Variants in NR2C1 observed in about 807,000 individuals in gnomAD.
NR2C1 encodes the protein TR2 nuclear hormone receptor.
Under a neutral mutation model 74.8 loss-of-function variants are expected in NR2C1, and 33 were observed. The observed-to-expected ratio is 0.44, with a 90% confidence interval of 0.33 to 0.59. The LOEUF (loss-of-function observed/expected upper bound fraction) is 0.59, where lower values mean the gene tolerates loss of function less well. Ranked by LOEUF, NR2C1 falls within the 20% of genes least tolerant of loss-of-function variation. The pLI, the probability that NR2C1 is intolerant of heterozygous loss-of-function variation, is 0.02. For synonymous variants in NR2C1, 225 were observed against 240.6 expected (o/e 0.94, Z 0.60); for missense variants, 568 against 715.6 (o/e 0.79, Z 2.35).
At position 95,072,202 on chromosome 12, in the gene NR2C1, G is replaced by A. The variant is rs566434982; in HGVS notation, c.-8+1178C>T. Among the ~76,000 whole-genome samples, 4 of 150,744 alleles carry A rather than the reference G, an allele frequency of 2.7e-5. No individual in the cohort carries two copies. In the South Asian group the frequency reaches 8.4e-4, roughly 32 times the overall value. On this transcript the variant is annotated intron_variant, in intron 1 of 13. Transcript: ENST00000333003. ...GCCGAGGCGGGTGGATCAGAGGCGG[G>A]TACATCACGAGGTCAGAGTATCAAG...
At chr12:95,061,287 A>G (rs1330330124) in intron 3 of NR2C1, among the ~76,000 whole-genome samples, 1 of 152,222 alleles carries the variant, frequency 6.6e-6, no homozygotes, top group Non-Finnish European at 1.5e-5. Flanking sequence ...AGGAAAGTCT[A>G]AACACCTATA....
intron 1 of NR2C1, among the ~76,000 whole-genome samples, chr12:95,071,715 AAAAAC>A (rs562192496): frequency 6.6e-6 from 1 of 152,252 alleles, no homozygotes; most frequent in African/African-American, 2.4e-5. Context: ...ATGCCCCTTG[AAAAAC>A]TAAGATTAGC....
At chr12:95,054,079 GAATAA>G (rs1040005842) in intron 7 of NR2C1, among the ~76,000 whole-genome samples, 2 of 152,070 alleles carry the variant, frequency 1.3e-5, no homozygotes, top group African/African-American at 4.8e-5. Flanking sequence ...TGAATCAGTA[GAATAA>G]AATAATTTTT....
At chr12:95,071,623 G>C (rs554647662) in intron 1 of NR2C1, among the ~76,000 whole-genome samples, 2 of 152,090 alleles carry the variant, frequency 1.3e-5, no homozygotes, top group African/African-American at 2.4e-5. Flanking sequence ...CTTGAGGCCA[G>C]AGATCTGTCT....
intron 11 of NR2C1, 51 bp from the exon 12 acceptor site, chr12:95,028,575 C>A (rs781570270): frequency 8.1e-7 from 1 of 1,235,574 alleles, no homozygotes; most frequent in Non-Finnish European, 1.2e-6. Context: ...AAATGAACAA[C>A]TACTTTCATC....
At chr12:95,040,888 C>A (rs547517109) in intron 9 of NR2C1, among the ~76,000 whole-genome samples, 1 of 152,170 alleles carries the variant, frequency 6.6e-6, no homozygotes, top group East Asian at 1.9e-4. Context: ...CAATATGTTT[C>A]TTTTCCTTCC....
chr12:95,031,223 T>A, intron 11 of NR2C1, 126 bp downstream of exon 11: 3 of 769,152 alleles, frequency 3.9e-6, no homozygotes, highest in East Asian at 3.2e-5. Flanking sequence ...TTATCTAAAG[T>A]AAGAAGAGCA....
intron 7 of NR2C1, among the ~76,000 whole-genome samples, chr12:95,057,274 T>G (rs1218865330): frequency 6.6e-6 from 1 of 151,738 alleles, no homozygotes; most frequent in Admixed American, 6.6e-5. Flanking sequence ...CCAGTTAATT[T>G]TTCCATTTTT....
intron 7 of NR2C1, among the ~76,000 whole-genome samples, chr12:95,054,726 C>T (rs1036333081): frequency 2.0e-5 from 3 of 152,128 alleles, no homozygotes; most frequent in African/African-American, 7.2e-5. Context: ...GTCTCTTCTA[C>T]CTAGCAACAT....
chr12:95,022,997 C>T (rs978134982), intron 13 of NR2C1, among the ~76,000 whole-genome samples: 8 of 151,812 alleles, frequency 5.3e-5, no homozygotes, highest in Admixed American at 1.3e-4. Flanking sequence ...GCCATTGTGC[C>T]GGGCCAAGTT....
intron 9 of NR2C1, among the ~76,000 whole-genome samples, chr12:95,043,873 CGTT>C (rs1871944054): frequency 6.6e-6 from 1 of 152,006 alleles, no homozygotes; most frequent in African/African-American, 2.4e-5. Flanking sequence ...TAAAGGGACT[CGTT>C]ATTTAAAATA....
intron 4 of NR2C1, among the ~76,000 whole-genome samples, 161 bp from the exon 5 acceptor site, chr12:95,058,650 T>G (rs1874262189): frequency 6.6e-6 from 1 of 152,250 alleles, no homozygotes; most frequent in African/African-American, 2.4e-5. Flanking sequence ...TATCATAACT[T>G]TTTTAGAGAC....
In NR2C1 at chr12:95,062,808, G is replaced by GAA. The variant is rs1874998593; in HGVS notation, c.55-72_55-71dup. On this transcript the variant is annotated intron_variant, in intron 2 of 13. Transcript: ENST00000333003. ...CTTTAATGACACAATTATCTTCTTA[G>GAA]AAAAGCACATTACATATATATTCAA... The GAA allele has an allele frequency of 1.6e-5, 19 of 1,167,968 alleles. No homozygotes were observed. The South Asian group carries it at 2.4e-4, about 15-fold the overall frequency. The allele number at this position is 1,167,968 out of a possible 1,614,324, so 72.4% of individuals were successfully genotyped here.
intron 12 of NR2C1, among the ~76,000 whole-genome samples, chr12:95,025,918 A>G (rs1373011799): frequency 6.6e-6 from 1 of 151,700 alleles, no homozygotes; most frequent in Non-Finnish European, 1.5e-5. Flanking sequence ...TTAAAAAGAC[A>G]TCTTAAGGCT....
intron 10 of NR2C1, among the ~76,000 whole-genome samples, chr12:95,038,759 G>A (rs927104635): frequency 1.3e-5 from 2 of 152,056 alleles, no homozygotes; most frequent in African/African-American, 2.4e-5. Flanking sequence ...AATTTTGGTC[G>A]ATAATAGACT....
At chr12:95,071,806 T>A (rs868381846) in intron 1 of NR2C1, among the ~76,000 whole-genome samples, 5 of 151,006 alleles carry the variant, frequency 3.3e-5, no homozygotes, top group Non-Finnish European at 7.4e-5. Flanking sequence ...TGGAGTGCAA[T>A]GGCGCGATCT....
chr12:95,058,195 T>A, intron 5 of NR2C1, 115 bp downstream of exon 5: 1 of 951,876 alleles, frequency 1.1e-6, no homozygotes, highest in East Asian at 2.7e-5. Context: ...ATATTTTTAG[T>A]TGGAAAACTG....
intron 9 of NR2C1, among the ~76,000 whole-genome samples, chr12:95,046,991 G>GA (rs1872399695): frequency 6.6e-6 from 1 of 151,806 alleles, no homozygotes; most frequent in African/African-American, 2.4e-5. Flanking sequence ...ATCCTAAGAA[G>GA]AAAAAAAAGT....
chr12:95,023,383 CAAGAAA>C (rs561072176), intron 13 of NR2C1, among the ~76,000 whole-genome samples: 85 of 152,040 alleles, frequency 5.6e-4, no homozygotes, highest in Non-Finnish European at 8.1e-4. Context: ...TATTCTATCT[CAAGAAA>C]AAGAAAAAGA....
Sources: gnomAD v4.1 joint callset for allele counts (sites outside exome capture counted in the v4.1 genomes callset) on GRCh38, gnomAD v4.1.1 for gene constraint, MANE v1.5 for transcripts, NCBI Gene and HGNC (gene_info 2026-07-23, HGNC 2026-07-21) for gene names.